ADGRL3: variants seen among roughly 807,000 people sequenced by gnomAD.
ADGRL3 encodes the protein adhesion G protein-coupled receptor L3, also known as calcium-independent alpha-latrotoxin receptor 3.
ADGRL3 carries 62 observed loss-of-function variants against 153.5 expected under a neutral mutation model. That is an observed-to-expected ratio of 0.40 (90% CI 0.33 to 0.50). The LOEUF is 0.50. ADGRL3 is among the 20% of genes least tolerant of loss of function. The probability of loss-of-function intolerance (pLI) is 0.47; values close to 1 mark genes in which losing one functional copy is unlikely to be tolerated. For missense variants in ADGRL3, 1,641 were observed against 1,859.4 expected (o/e 0.88, Z 2.16); for synonymous variants, 710 against 672.5 (o/e 1.06, Z -0.86).
chr4:62,007,383 T>TATATATACACAC (rs71213024), intron 21 of ADGRL3, among the ~76,000 whole-genome samples: 1 of 30,782 alleles, frequency 3.2e-5, no homozygotes, highest in African/African-American at 1.3e-4. Context: ...TATATATATA[T>TATATATACACAC]ACACACACAC....
chr4:61,500,432 A>T (rs1426411724), intron 3 of ADGRL3, among the ~76,000 whole-genome samples: 1 of 152,208 alleles, frequency 6.6e-6, no homozygotes, highest in Admixed American at 6.5e-5. Flanking sequence ...AGAAAAATGT[A>T]CCTTTGATCA....
At chr4:61,947,177 C>G in intron 16 of ADGRL3, 55 bp downstream of exon 16, 1 of 1,328,574 alleles carries the variant, frequency 7.5e-7, no homozygotes, top group Non-Finnish European at 1.1e-6. Context: ...TTTTATAACA[C>G]TGAACATTAA....
chr4:61,968,978 A>G (rs2099016669), intron 17 of ADGRL3, among the ~76,000 whole-genome samples: 3 of 152,142 alleles, frequency 2.0e-5, no homozygotes, highest in African/African-American at 7.2e-5. Context: ...AGAATTCAAA[A>G]TACCGAAGAG....
chr4:62,077,300 A>T lies in ADGRL3; in HGVS notation c.*6392A>T, dbSNP rs1747458699. 6.6e-6 allele frequency: 1 copy of T among 151,974 alleles called. No individual in the cohort carries two copies. The highest frequency in any genetic ancestry group is 2.4e-5 in the African/African-American group (1 of 41,428). The allele number at this position is 151,974 out of a possible 1,614,324, so 9.4% of individuals were successfully genotyped here. A position where few individuals can be genotyped will look rare whatever the true frequency, so the allele number is the denominator to read the frequency against. ...TGATCTACAGACAAGGTTACAAAAG[A>T]TTTACAATTAGTCCAAAATCAGAGG... On this transcript the variant is annotated 3_prime_UTR_variant, in exon 27 of 27. Transcript: ENST00000683033.
intron 4 of ADGRL3, among the ~76,000 whole-genome samples, chr4:61,531,830 A>G (rs1380200467): frequency 1.3e-5 from 2 of 152,112 alleles, no homozygotes; most frequent in African/African-American, 2.4e-5. Context: ...TATTGAGAAA[A>G]GCAGAAAGAT....
At chr4:61,935,166 G>A (rs1009936396) in intron 14 of ADGRL3, 143 bp downstream of exon 14, 7 of 676,164 alleles carry the variant, frequency 1.0e-5, no homozygotes, top group African/African-American at 5.4e-5. Flanking sequence ...AATAAAGAGG[G>A]CATCACTTGT....
At chr4:61,939,534 A>G (rs1449481308) in intron 15 of ADGRL3, among the ~76,000 whole-genome samples, 2 of 151,536 alleles carry the variant, frequency 1.3e-5, no homozygotes, top group African/African-American at 4.9e-5. Flanking sequence ...CAGTGGCACA[A>G]TCTCAGCTCA....
chr4:61,848,804 C>T lies in ADGRL3; in HGVS notation c.1480+34915C>T, dbSNP rs1413228869. 6.6e-5 allele frequency among the ~76,000 whole-genome samples: 10 copies of T among 152,130 alleles called. No homozygotes were observed. The South Asian group carries it at 1.7e-3, about 25-fold the overall frequency. The stretch of plus-strand genomic sequence containing the variant: ...AGGCTTAATTAGCTTCCTATGGCTA[C>T]GATCTGTTCCAGAGGTTCTCCTGTG... On this transcript the variant is annotated intron_variant, in intron 9 of 26. Coordinates refer to ENST00000683033, the MANE Select transcript of ADGRL3 (RefSeq NM_001387552.1).
chr4:61,513,200 C>T (rs1218796576), intron 3 of ADGRL3, among the ~76,000 whole-genome samples: 1 of 151,978 alleles, frequency 6.6e-6, no homozygotes, highest in Non-Finnish European at 1.5e-5. Context: ...TACAAAGCTG[C>T]TCATGTAAGA....
At chr4:61,343,902 C>T (rs563577859) in intron 1 of ADGRL3, among the ~76,000 whole-genome samples, 1 of 152,226 alleles carries the variant, frequency 6.6e-6, no homozygotes, top group South Asian at 2.1e-4. Context: ...GCATTATTTA[C>T]TTTTCATTTT....
intron 1 of ADGRL3, among the ~76,000 whole-genome samples, chr4:61,242,336 A>T (rs947550582): frequency 1.3e-5 from 2 of 152,006 alleles, no homozygotes; most frequent in Non-Finnish European, 2.9e-5. Context: ...TATTTGTTAA[A>T]TGAGGTGAAT....
intron 1 of ADGRL3, among the ~76,000 whole-genome samples, chr4:61,355,084 A>C (rs1454181466): frequency 6.6e-6 from 1 of 152,078 alleles, no homozygotes; most frequent in Non-Finnish European, 1.5e-5. Context: ...TTCTTATTCT[A>C]AGGCCAGTTC....
intron 6 of ADGRL3, among the ~76,000 whole-genome samples, chr4:61,705,003 T>C (rs928885044): frequency 1.3e-5 from 2 of 152,172 alleles, no homozygotes; most frequent in Non-Finnish European, 2.9e-5. Context: ...TTCAAAGTCA[T>C]GCATGAAAGT....
At chr4:61,564,039 C>T (rs2098806509) in intron 4 of ADGRL3, among the ~76,000 whole-genome samples, 1 of 151,946 alleles carries the variant, frequency 6.6e-6, no homozygotes, top group African/African-American at 2.4e-5. Flanking sequence ...AATACAACCT[C>T]ATGAACCAAC....
chr4:61,426,453 G>GA (rs1454564896), intron 2 of ADGRL3, among the ~76,000 whole-genome samples: 1 of 152,010 alleles, frequency 6.6e-6, no homozygotes, highest in Admixed American at 6.6e-5. Flanking sequence ...GAATGGGGGG[G>GA]TGCCCCTCTC....
intron 8 of ADGRL3, among the ~76,000 whole-genome samples, chr4:61,755,023 T>G (rs974495680): frequency 1.3e-5 from 2 of 152,244 alleles, no homozygotes; most frequent in Middle Eastern, 3.2e-3. Context: ...CTATCATTGT[T>G]GGACATTTGG....
At chr4:61,871,901 T>C (rs2098447739) in intron 9 of ADGRL3, among the ~76,000 whole-genome samples, 1 of 152,196 alleles carries the variant, frequency 6.6e-6, no homozygotes, top group African/African-American at 2.4e-5. Context: ...CCTCATTGCC[T>C]TCAAATGTTA....
intron 8 of ADGRL3, among the ~76,000 whole-genome samples, chr4:61,791,258 T>A (rs1335836682): frequency 1.3e-5 from 2 of 152,112 alleles, no homozygotes; most frequent in Non-Finnish European, 2.9e-5. Flanking sequence ...CTAGATACAA[T>A]GGGGTACAGG....
chr4:61,482,203 C>T (rs1560708099), intron 2 of ADGRL3, among the ~76,000 whole-genome samples: 1 of 152,160 alleles, frequency 6.6e-6, no homozygotes, highest in Non-Finnish European at 1.5e-5. Flanking sequence ...AAAATTGGCA[C>T]ATGTGTACTT....
Sources: allele counts gnomAD v4.1 joint callset (sites outside exome capture counted in the v4.1 genomes callset), GRCh38; gene constraint gnomAD v4.1.1; transcripts MANE v1.5; gene names NCBI Gene and HGNC (gene_info 2026-07-23, HGNC 2026-07-21).